DSCAM: variants seen among roughly 807,000 people sequenced by gnomAD.
DSCAM encodes the protein cell adhesion molecule DSCAM.
A neutral mutation model predicts 217.7 loss-of-function variants in DSCAM; 47 were observed. The observed-to-expected ratio is 0.22, with a 90% CI of 0.17 to 0.28. DSCAM has a LOEUF of 0.28. DSCAM is among the 10% of genes least tolerant of loss of function. DSCAM has a pLI of 1.00. For missense variants in DSCAM, 2,080 were observed against 2,618.3 expected (o/e 0.79, Z 4.49); for synonymous variants, 1,056 against 1,015.3 (o/e 1.04, Z -0.76).
At chr21:40,156,283 AAGACAGAGAGAGAGAGAGAGAGAG>A (rs1168941899) in intron 16 of DSCAM, among the ~76,000 whole-genome samples, 2 of 86,166 alleles carry the variant, frequency 2.3e-5, no homozygotes, top group African/African-American at 7.7e-5. Flanking sequence ...CAGTCAAACT[AAGACAGAGAGAGAGAGAGAGAGAG>A]AGAGAGAGAG....
chr21:40,655,018 A>G (rs985317656), intron 3 of DSCAM, among the ~76,000 whole-genome samples: 1 of 152,128 alleles, frequency 6.6e-6, no homozygotes, highest in Non-Finnish European at 1.5e-5. Context: ...GGAAATGCGT[A>G]TTTGTACTAG....
At chr21:40,278,684 C>T (rs1232057809) in intron 10 of DSCAM, among the ~76,000 whole-genome samples, 2 of 151,832 alleles carry the variant, frequency 1.3e-5, no homozygotes, top group African/African-American at 2.4e-5. Context: ...TGTACTCTAG[C>T]CTGGGTGACA....
At chr21:40,158,563 G>A (rs2090505114) in intron 16 of DSCAM, among the ~76,000 whole-genome samples, 1 of 152,180 alleles carries the variant, frequency 6.6e-6, no homozygotes, top group Admixed American at 6.5e-5. Flanking sequence ...AAGTCCAGAT[G>A]CAACACGTGC....
chr21:40,594,420 T>C (rs1407270360), intron 3 of DSCAM, among the ~76,000 whole-genome samples: 1 of 152,186 alleles, frequency 6.6e-6, no homozygotes, highest in African/African-American at 2.4e-5. Context: ...TGGCCTGTCG[T>C]TTCAGGAATA....
intron 3 of DSCAM, among the ~76,000 whole-genome samples, chr21:40,588,920 C>T (rs966471974): frequency 2.6e-5 from 4 of 152,122 alleles, no homozygotes; most frequent in Non-Finnish European, 4.4e-5. Flanking sequence ...AATCAATGAT[C>T]AGTATTCTGT....
chr21:40,246,479 T>C lies in DSCAM; in HGVS notation c.2356+29618A>G, dbSNP rs945898268. Among the ~76,000 whole-genome samples the C allele has an allele frequency of 6.2e-5, 9 of 146,274 alleles. 1 individual carries two copies. The highest frequency in any genetic ancestry group is 1.4e-4 in the Admixed American group (2 of 14,450). ...CTGTTGGAACCTGGGAGGTGGAGGCTGCACTGAGCTGAGATCTCGCCACTG... is the reference window on the plus strand; with the variant it reads ...CTGTTGGAACCTGGGAGGTGGAGGCCGCACTGAGCTGAGATCTCGCCACTG... On this transcript the variant is annotated intron_variant, in intron 11 of 32. Transcript: ENST00000400454.
chr21:40,251,409 G>A (rs1448247715), intron 11 of DSCAM, among the ~76,000 whole-genome samples: 1 of 151,818 alleles, frequency 6.6e-6, no homozygotes, highest in Non-Finnish European at 1.5e-5. Context: ...TTTTTGTGAG[G>A]GAGGGTTTTT....
At chr21:40,534,586 A>T (rs766911720) in intron 3 of DSCAM, among the ~76,000 whole-genome samples, 2 of 152,160 alleles carry the variant, frequency 1.3e-5, no homozygotes, top group Non-Finnish European at 2.9e-5. Flanking sequence ...ACTCTGCAGG[A>T]TGATGACATT....
At chr21:40,462,732 G>C (rs2075815865) in intron 3 of DSCAM, among the ~76,000 whole-genome samples, 1 of 152,114 alleles carries the variant, frequency 6.6e-6, no homozygotes, top group African/African-American at 2.4e-5. Context: ...TAATTGATTG[G>C]TTTACAGCCT....
At chr21:40,596,781 C>A (rs946219348) in intron 3 of DSCAM, among the ~76,000 whole-genome samples, 5 of 152,036 alleles carry the variant, frequency 3.3e-5, no homozygotes, top group Admixed American at 3.3e-4. Context: ...ATGTGATCTA[C>A]GACCTGACCA....
At chr21:40,147,040 G>C (rs2090365522) in intron 16 of DSCAM, among the ~76,000 whole-genome samples, 1 of 152,114 alleles carries the variant, frequency 6.6e-6, no homozygotes, top group Non-Finnish European at 1.5e-5. Context: ...TTTAATGTTA[G>C]ATATAGTGAC....
chr21:40,648,874 G>T (rs1413502492), intron 3 of DSCAM, among the ~76,000 whole-genome samples: 2 of 152,152 alleles, frequency 1.3e-5, no homozygotes, highest in African/African-American at 2.4e-5. Context: ...GGAATTGTCA[G>T]TGTATCCTCA....
At chr21:40,072,313 C>T (rs1471923964) in intron 27 of DSCAM, among the ~76,000 whole-genome samples, 1 of 151,814 alleles carries the variant, frequency 6.6e-6, no homozygotes, top group Non-Finnish European at 1.5e-5. Context: ...AATTGGGTAC[C>T]CAATCCTTGG....
At chr21:40,052,874 T>C (rs1409140441) in intron 29 of DSCAM, among the ~76,000 whole-genome samples, 1 of 152,210 alleles carries the variant, frequency 6.6e-6, no homozygotes, top group Admixed American at 6.5e-5. Flanking sequence ...AGCTGCTGTT[T>C]GAGCTGGGTC....
intron 32 of DSCAM, among the ~76,000 whole-genome samples, chr21:40,017,141 A>C (rs1601228215): frequency 1.3e-5 from 2 of 152,146 alleles, no homozygotes; most frequent in African/African-American, 2.4e-5. Context: ...ACTAAAAATA[A>C]ATATGGCCAA....
intron 3 of DSCAM, among the ~76,000 whole-genome samples, chr21:40,378,815 G>C (rs1056242535): frequency 6.6e-6 from 1 of 151,556 alleles, no homozygotes; most frequent in Non-Finnish European, 1.5e-5. Context: ...GGATGGTCTC[G>C]ATCTCCTGAC....
At chr21:40,714,796 A>G (rs898316700) in intron 1 of DSCAM, among the ~76,000 whole-genome samples, 27 of 152,186 alleles carry the variant, frequency 1.8e-4, no homozygotes, top group African/African-American at 5.8e-4. Context: ...GTATGTTAGA[A>G]GTTTCAGGAG....
chr21:40,234,840 T>A lies in DSCAM; in HGVS notation c.2356+41257A>T, dbSNP rs76017983. ...CTAAAAATATAATGTGAGTAAAATA[T>A]GTATCCCCGAAGCCCAGGGTAGAGG... On this transcript the variant is annotated intron_variant, in intron 11 of 32. Coordinates refer to ENST00000400454, the MANE Select transcript of DSCAM (RefSeq NM_001389.5). Among the ~76,000 whole-genome samples the A allele has an allele frequency of 9.0e-4, 137 of 152,280 alleles. 2 individuals carry two copies. Among genetic ancestry groups the A allele is most frequent in the African/African-American group, 2.8e-3 (117 of 41,562 alleles).
chr21:40,713,723 G>C (rs1282895666), intron 1 of DSCAM, among the ~76,000 whole-genome samples: 1 of 152,188 alleles, frequency 6.6e-6, no homozygotes, highest in African/African-American at 2.4e-5. Flanking sequence ...ATGCATTTTA[G>C]CACTACATCT....
Sources: allele counts gnomAD v4.1 joint callset (sites outside exome capture counted in the v4.1 genomes callset), GRCh38; gene constraint gnomAD v4.1.1; transcripts MANE v1.5; gene names NCBI Gene and HGNC (gene_info 2026-07-23, HGNC 2026-07-21).